RGS5: variants seen among roughly 807,000 people sequenced by gnomAD.
RGS5 encodes regulator of G protein signaling 5.
In RGS5, 20 loss-of-function variants were observed where a neutral mutation model predicts 18.9. The ratio of observed to expected loss-of-function variants is 1.06; its 90% CI spans 0.74 to 1.54. RGS5 has a LOEUF of 1.54. RGS5 is among the 40% of genes most tolerant of loss of function. The probability of loss-of-function intolerance (pLI) is 0.00; values close to 1 mark genes in which losing one functional copy is unlikely to be tolerated. For missense variants in RGS5, 201 were observed against 211.8 expected (o/e 0.95, Z 0.32); for synonymous variants, 57 against 76.2 (o/e 0.75, Z 1.31).
At chr1:163,176,338 C>T (rs1229576904) in intron 1 of RGS5, among the ~76,000 whole-genome samples, 1 of 152,164 alleles carries the variant, frequency 6.6e-6, no homozygotes. Context: ...AAAGCCTGTG[C>T]AGGCCGGGTG....
chr1:163,317,797 C>A (rs1203800194), intron 1 of RGS5, among the ~76,000 whole-genome samples: 1 of 151,816 alleles, frequency 6.6e-6, no homozygotes. Context: ...GTTTTTTACC[C>A]TTTCAATTCC....
intron 4 of RGS5, among the ~76,000 whole-genome samples, chr1:163,148,680 G>A (rs1657254838): frequency 6.6e-6 from 1 of 152,172 alleles, no homozygotes; most frequent in African/African-American, 2.4e-5. Context: ...TGGCTTACAT[G>A]TCCTGAGTGC....
At chr1:163,231,379 G>A (rs907680459) in intron 2 of RGS5, among the ~76,000 whole-genome samples, 2 of 152,094 alleles carry the variant, frequency 1.3e-5, no homozygotes, top group East Asian at 1.9e-4. Flanking sequence ...TGTTAAATTT[G>A]TGTATTGGAA....
intron 1 of RGS5, among the ~76,000 whole-genome samples, chr1:163,187,145 C>T (rs1348868526): frequency 1.3e-5 from 2 of 152,068 alleles, no homozygotes; most frequent in Non-Finnish European, 2.9e-5. Context: ...ACATCAGGGC[C>T]CAATCTGGAC....
chr1:163,294,048 A>G (rs1319595751), intron 2 of RGS5, among the ~76,000 whole-genome samples: 1 of 152,168 alleles, frequency 6.6e-6, no homozygotes, highest in Non-Finnish European at 1.5e-5. Flanking sequence ...GCTGGCATTG[A>G]GTGCCTGTGG....
At chr1:163,278,320 A>G (rs1226712860) in intron 2 of RGS5, among the ~76,000 whole-genome samples, 2 of 152,174 alleles carry the variant, frequency 1.3e-5, no homozygotes, top group Non-Finnish European at 2.9e-5. Context: ...CTCACCTTAC[A>G]GGCTGTGAAA....
intron 1 of RGS5, among the ~76,000 whole-genome samples, chr1:163,316,023 C>A (rs906628199): frequency 5.3e-5 from 8 of 152,130 alleles, no homozygotes; most frequent in African/African-American, 1.9e-4. Context: ...TAGAATTTAC[C>A]ATTTTCTTTA....
upstream of RGS5, among the ~76,000 whole-genome samples, chr1:163,221,339 A>G (rs929324868): frequency 2.0e-5 from 3 of 152,140 alleles, no homozygotes; most frequent in African/African-American, 7.2e-5. Flanking sequence ...CTCTACTACA[A>G]TATAAAAATT....
intron 1 of RGS5, among the ~76,000 whole-genome samples, chr1:163,200,225 C>G (rs1477132714): frequency 6.6e-6 from 1 of 152,070 alleles, no homozygotes; most frequent in Non-Finnish European, 1.5e-5. Flanking sequence ...AGTACTCTTT[C>G]CACTCTGATA....
chr1:163,196,715 T>C (rs1242588741), intron 1 of RGS5, among the ~76,000 whole-genome samples: 3 of 152,160 alleles, frequency 2.0e-5, no homozygotes, highest in Non-Finnish European at 4.4e-5. Flanking sequence ...TTCCTCATTA[T>C]AGAAATGCAG....
At chr1:163,262,151 CTT>C (rs532698783) in intron 2 of RGS5, among the ~76,000 whole-genome samples, 2,584 of 121,078 alleles carry the variant, frequency 0.021, 130 homozygotes, top group African/African-American at 0.076. Context: ...AGTTTTGAAA[CTT>C]TTTTTTTTTT....
rs567181050 is a variant in RGS5, at chr1:163,285,973, A to G, written c.-281+20260T>C. 1.8e-3 allele frequency among the ~76,000 whole-genome samples: 239 copies of G among 130,626 alleles called. 5 individuals are homozygous for G. The East Asian group carries it at 0.04, about 22-fold the overall frequency. The allele number at this position is 130,626 out of a possible 152,430, so 85.7% of individuals were successfully genotyped here. On this transcript the variant is annotated intron_variant, in intron 2 of 5. Transcript: ENST00000618415. ...TATGTCTTTATAGCAGTGTGAGAAC[A>G]GACTCATACAAGTATTTAATTTATG...
At chr1:163,317,445 G>C (rs1229656772) in intron 1 of RGS5, among the ~76,000 whole-genome samples, 2 of 152,100 alleles carry the variant, frequency 1.3e-5, no homozygotes, top group Non-Finnish European at 2.9e-5. Context: ...ATTCTTCTGA[G>C]ATCTATTTCT....
upstream of RGS5, among the ~76,000 whole-genome samples, chr1:163,203,465 T>C (rs1398407985): frequency 6.6e-6 from 1 of 152,192 alleles, no homozygotes; most frequent in Non-Finnish European, 1.5e-5. Flanking sequence ...AAGTAAGTGA[T>C]GGAGGCCGGG....
chr1:163,218,147 A>AG (rs1660257922), upstream of RGS5, among the ~76,000 whole-genome samples: 1 of 152,176 alleles, frequency 6.6e-6, no homozygotes, highest in Non-Finnish European at 1.5e-5. Flanking sequence ...ATGACCCATG[A>AG]GTTCTTCATC....
At chr1:163,212,733 C>T (rs1455014549) in intron 1 of RGS5, 1 of 152,146 alleles carries the variant, frequency 6.6e-6, no homozygotes, top group Non-Finnish European at 1.5e-5. Flanking sequence ...GTATCTAGAC[C>T]ACAGCCACAA....
At chr1:163,184,999 C>A (rs1312436168) in intron 1 of RGS5, among the ~76,000 whole-genome samples, 2 of 152,276 alleles carry the variant, frequency 1.3e-5, no homozygotes, top group South Asian at 2.1e-4. Context: ...AGACTTAAAA[C>A]CAGTCAGACT....
At chr1:163,186,003 T>C (rs1659050709) in intron 1 of RGS5, among the ~76,000 whole-genome samples, 1 of 152,086 alleles carries the variant, frequency 6.6e-6, no homozygotes, top group Non-Finnish European at 1.5e-5. Context: ...ATATCACCTC[T>C]CTCAGTTGCT....
Position 163,295,248 on chromosome 1 carries a change from A to G in RGS5, c.-281+10985T>C, listed in dbSNP as rs185626448. 3.9e-5 allele frequency among the ~76,000 whole-genome samples: 6 copies of G among 152,338 alleles called. No homozygotes were observed. In the East Asian group the frequency reaches 1.2e-3, roughly 29 times the overall value. On this transcript the variant is annotated intron_variant, in intron 2 of 5. Coordinates refer to the RGS5 transcript ENST00000618415. ...GTATTAGTCTGTTCTCACACTGCTA[A>G]TAAAATAAATCTTTATTAGCAGTGG...
Sources: gnomAD v4.1 joint callset for allele counts (sites outside exome capture counted in the v4.1 genomes callset) on GRCh38, gnomAD v4.1.1 for gene constraint, MANE v1.5 for transcripts, NCBI Gene and HGNC (gene_info 2026-07-23, HGNC 2026-07-21) for gene names.